Variants in MED13L observed in about 807,000 individuals in gnomAD.
The protein encoded by MED13L is mediator of RNA polymerase II transcription subunit 13-like.
In MED13L, 7 loss-of-function variants were observed where a neutral mutation model predicts 220.9. That is an observed-to-expected ratio of 0.03 (90% CI 0.02 to 0.06). The LOEUF (loss-of-function observed/expected upper bound fraction) is 0.06, where lower values mean the gene tolerates loss of function less well. Among genes scored for constraint, MED13L ranks in the 10% least tolerant of loss-of-function variants. The pLI is 1.00. For missense variants in MED13L, 1,965 were observed against 2,760.5 expected (o/e 0.71, Z 6.46); for synonymous variants, 1,011 against 1,015.2 (o/e 1.00, Z 0.08).
At position 116,005,955 on chromosome 12, in the gene MED13L, T is replaced by C. The variant is rs573673736; in HGVS notation, c.2383A>G (p.Ser795Gly). 3 of 1,614,032 alleles carry C rather than the reference T, an allele frequency of 1.9e-6. No individual in the cohort carries two copies. The highest frequency in any genetic ancestry group is 1.7e-5 in the Admixed American group (1 of 60,016). The change falls in exon 13 of 31, where the codon AGT (serine) becomes GGT (glycine). Residue 795 changes from serine to glycine, a missense_variant. By Grantham distance (56) the Ser-to-Gly change is moderately conservative (BLOSUM62 0). Around this residue, in one of 10 missense-constraint regions of MED13L, gnomAD observed 818 missense variants for 1,041.2 expected, o/e 0.79. Transcript: ENST00000281928. ...QDNAAGRAGS[S>G]SLTQVTDLAP... ...AAATCTGTTACCTGTGTAAGGCTAC[T>C]GGAGCCAGCTCTGCCAGCAGCATTA...
chr12:116,206,631 C>T (rs1192262826), intron 2 of MED13L, among the ~76,000 whole-genome samples: 3 of 151,132 alleles, frequency 2.0e-5, no homozygotes, highest in African/African-American at 7.3e-5. Context: ...CTTTTTTTTT[C>T]AAACACCTGT....
intron 2 of MED13L, among the ~76,000 whole-genome samples, chr12:116,159,303 A>C (rs1394734702): frequency 2.0e-5 from 3 of 152,192 alleles, no homozygotes; most frequent in African/African-American, 7.2e-5. Flanking sequence ...ACATCACAAA[A>C]ACTGTTTCAA....
chr12:116,275,405 C>A (rs1565963005), intron 1 of MED13L, among the ~76,000 whole-genome samples: 1 of 152,088 alleles, frequency 6.6e-6, no homozygotes. Context: ...TAAAATATTT[C>A]ATTTAAAAAA....
At chr12:116,024,479 G>C (rs774308375) in intron 4 of MED13L, among the ~76,000 whole-genome samples, 4 of 152,084 alleles carry the variant, frequency 2.6e-5, no homozygotes, top group Admixed American at 6.5e-5. Flanking sequence ...TTTTAAATCT[G>C]GTTGGTTTCT....
At chr12:116,080,657 G>A (rs899777881) in intron 4 of MED13L, among the ~76,000 whole-genome samples, 11 of 152,154 alleles carry the variant, frequency 7.2e-5, no homozygotes, top group Non-Finnish European at 1.2e-4. Context: ...TTTGTGAAAC[G>A]TTTTTTCCGT....
intron 2 of MED13L, among the ~76,000 whole-genome samples, chr12:116,164,947 G>C (rs1879140594): frequency 6.6e-6 from 1 of 152,184 alleles, no homozygotes. Flanking sequence ...AGTGTAGCTG[G>C]AGCATAAACC....
Position 115,961,220 on chromosome 12 carries a change from T to C in MED13L, c.*46A>G, listed in dbSNP as rs993124524. 1.2e-6 allele frequency: 2 copies of C among 1,611,402 alleles called. No individual in the cohort carries two copies. Among genetic ancestry groups the C allele is most frequent in the Non-Finnish European group, 1.7e-6 (2 of 1,177,624 alleles). The stretch of plus-strand genomic sequence containing the variant: ...GTGTAGCAGGTTCCTTGGACTGAGG[T>C]TGCAGGGAGAAGGAACTGAGCCAGA... On this transcript the variant is annotated 3_prime_UTR_variant, in exon 31 of 31. Transcript: ENST00000281928.
intron 2 of MED13L, among the ~76,000 whole-genome samples, chr12:116,214,699 A>G (rs1186751734): frequency 6.6e-6 from 1 of 152,128 alleles, no homozygotes; most frequent in African/African-American, 2.4e-5. Flanking sequence ...GCTCAAAATC[A>G]CTTCACTCAA....
At chr12:116,102,703 CTTTTTTCT>C (rs1873179397) in intron 3 of MED13L, among the ~76,000 whole-genome samples, 3 of 63,204 alleles carry the variant, frequency 4.7e-5, no homozygotes, top group African/African-American at 1.6e-4. Flanking sequence ...TTTTCTTTTT[CTTTTTTCT>C]TTTTTTTTTT....
chr12:116,240,581 G>A (rs1341194900), intron 1 of MED13L, among the ~76,000 whole-genome samples: 1 of 150,168 alleles, frequency 6.7e-6, no homozygotes, highest in Non-Finnish European at 1.5e-5. Flanking sequence ...CACCCAGGCT[G>A]CAGTGCAGTG....
intron 3 of MED13L, among the ~76,000 whole-genome samples, chr12:116,099,548 A>C (rs1220855966): frequency 6.6e-6 from 1 of 152,194 alleles, no homozygotes; most frequent in East Asian, 1.9e-4. Flanking sequence ...TCAGTAACAA[A>C]TCATAAATTT....
intron 4 of MED13L, among the ~76,000 whole-genome samples, chr12:116,061,131 C>T (rs1201864648): frequency 6.6e-6 from 1 of 152,126 alleles, no homozygotes; most frequent in Non-Finnish European, 1.5e-5. Context: ...TCATCTTTAA[C>T]TGAGAACATT....
chr12:116,146,949 C>T (rs958808815), intron 2 of MED13L, among the ~76,000 whole-genome samples: 1 of 151,682 alleles, frequency 6.6e-6, no homozygotes, highest in Non-Finnish European at 1.5e-5. Context: ...TAAGTATACA[C>T]AAAAAACTAC....
chr12:116,119,755 T>C (rs867977754), intron 2 of MED13L, among the ~76,000 whole-genome samples: 13 of 136,070 alleles, frequency 9.6e-5, no homozygotes, highest in South Asian at 9.1e-4. Flanking sequence ...CAGTAAGCTA[T>C]GATGGCATGC....
rs1873980311 is a variant in MED13L at position 116,277,499 on chromosome 12, G to C, written c.-368C>G. ...GGCGCGCGAGGGGAGGCGAGCCCCG[G>C]AGCCGCCGCCGCCGCCTCGGAGCCG... On this transcript the variant is annotated 5_prime_UTR_variant, in exon 1 of 31. Coordinates refer to ENST00000281928, the MANE Select transcript of MED13L (RefSeq NM_015335.5). Among the ~76,000 whole-genome samples, 2 of 148,438 alleles carry C rather than the reference G, an allele frequency of 1.3e-5. No homozygotes were observed. The highest frequency in any genetic ancestry group is 3.0e-5 in the Non-Finnish European group (2 of 66,624).
At chr12:116,087,378 A>C (rs1236327519) in intron 4 of MED13L, among the ~76,000 whole-genome samples, 1 of 152,234 alleles carries the variant, frequency 6.6e-6, no homozygotes, top group African/African-American at 2.4e-5. Flanking sequence ...GTTAGAAAAA[A>C]AAGTGTAAAG....
chr12:116,066,114 C>T (rs534879392), intron 4 of MED13L, among the ~76,000 whole-genome samples: 1 of 152,306 alleles, frequency 6.6e-6, no homozygotes, highest in East Asian at 1.9e-4. Flanking sequence ...CACACACATA[C>T]ATACACACAC....
intron 2 of MED13L, among the ~76,000 whole-genome samples, chr12:116,208,747 C>T (rs1882511180): frequency 6.6e-6 from 1 of 152,192 alleles, no homozygotes; most frequent in African/African-American, 2.4e-5. Flanking sequence ...AGGAACACTG[C>T]TTGAGGCTGG....
intron 2 of MED13L, among the ~76,000 whole-genome samples, chr12:116,196,988 G>C (rs186009447): frequency 2.0e-4 from 30 of 152,286 alleles, no homozygotes; most frequent in Non-Finnish European, 3.8e-4. Flanking sequence ...AAGATATATA[G>C]TAGTTTGAAC....
Sources: allele counts gnomAD v4.1 joint callset (sites outside exome capture counted in the v4.1 genomes callset), GRCh38; gene constraint gnomAD v4.1.1; regional missense constraint gnomAD v4.1.1; transcripts MANE v1.5; gene names NCBI Gene and HGNC (gene_info 2026-07-23, HGNC 2026-07-21).